Variants in LTBP4 observed in about 807,000 individuals in gnomAD.
LTBP4 encodes latent transforming growth factor beta binding protein 4, also known as latent-transforming growth factor beta-binding protein 4.
A neutral mutation model predicts 180.2 loss-of-function variants in LTBP4; 93 were observed. The observed-to-expected ratio is 0.52, with a 90% CI of 0.44 to 0.61. LTBP4 has a LOEUF of 0.61. Ranked by LOEUF, LTBP4 falls within the 20% of genes least tolerant of loss-of-function variation. The pLI is 0.00. For missense variants in LTBP4, 2,116 were observed against 2,256.5 expected (o/e 0.94, Z 1.26); for synonymous variants, 947 against 934.5 (o/e 1.01, Z -0.24).
At position 40,627,734 on chromosome 19, in the gene LTBP4, G is replaced by A. The variant is rs780111092; in HGVS notation, c.4396G>A (p.Glu1466Lys). Residue 1466 changes from glutamate (E) to lysine (K), a missense_variant, in exon 29 of 30, where the codon GAG becomes AAG. Physicochemically the swap from Glu to Lys is moderately conservative, Grantham distance 56. Transcript: ENST00000396819. ...CCTGGCTGAGCCCTACGAGGAGCTG[G>A]AGGCGGAGGAGTGCGGGATCCTGGA... Reference protein sequence around the residue: ...GSLAEPYEELEAEECGILDGC... With the variant: ...GSLAEPYEELKAEECGILDGC... 6.3e-7 allele frequency: 1 copy of A among 1,597,700 alleles called. No individual in the cohort carries two copies. The highest frequency in any genetic ancestry group is 2.3e-5 in the East Asian group (1 of 44,078).
rs779116814 is a variant in LTBP4 at position 40,619,354 on chromosome 19, C to G, written c.3078C>G (p.Asn1026Lys). The G allele has an allele frequency of 1.2e-6, 2 of 1,613,604 alleles. No individual in the cohort carries two copies. The highest frequency in any genetic ancestry group is 2.2e-5 in the South Asian group (2 of 91,024). Residue 1026 changes from asparagine to lysine, a missense_variant, in exon 22 of 30, where the codon AAC becomes AAG. Physicochemically the swap from Asn to Lys is moderately conservative, Grantham distance 94. This residue lies in a region of LTBP4 where 278 missense variants were observed against 373.0 expected (regional missense o/e 0.75). Transcript: ENST00000396819. ...ARDGRHCVDV[N>K]ECETLQGVCG... is the part of the protein sequence containing the mutation. The stretch of plus-strand genomic sequence containing the variant: ...GTTGTCTCCTGCTTACAGATGTGAA[C>G]GAGTGTGAAACACTACAGGGTGTAT...
Position 40,608,549 on chromosome 19 carries a change from G to A in LTBP4, c.1372G>A (p.Glu458Lys). The A allele has an allele frequency of 6.2e-7, 1 of 1,605,734 alleles. No individual in the cohort carries two copies. Among genetic ancestry groups the A allele is most frequent in the Middle Eastern group, 1.7e-4 (1 of 6,056 alleles). The change falls in exon 9 of 30, where the codon GAG becomes AAG. Residue 458 changes from glutamate (E) to lysine (K), a missense_variant. Coordinates refer to ENST00000396819, the MANE Select transcript of LTBP4 (RefSeq NM_001042545.2). Reference sequence around the variant, plus strand: ...CCGGCCCGATCCCCGGCCCGGCCCTGAGCTTCCCTTGCCCAGCATCCCTGC... The same window carrying A: ...CCGGCCCGATCCCCGGCCCGGCCCTAAGCTTCCCTTGCCCAGCATCCCTGC... ...EPRPDPRPGP[E>K]LPLPSIPAWT...
intron 6 of LTBP4, 133 bp from the exon 7 acceptor site, chr19:40,607,232 C>T (rs2081469402): frequency 2.5e-6 from 2 of 787,808 alleles, no homozygotes; most frequent in African/African-American, 1.7e-5. Flanking sequence ...CCCTCTCAGA[C>T]CTCTCCCAAA....
chr19:40,612,022 AG>A (rs767062556), intron 14 of LTBP4, 38 bp downstream of exon 14: 85 of 1,612,028 alleles, frequency 5.3e-5, no homozygotes, highest in Non-Finnish European at 6.9e-5. Flanking sequence ...TGGATGGGTG[AG>A]GGGGGAGTTG....
At chr19:40,604,473 G>C (rs1366380315) in intron 1 of LTBP4, among the ~76,000 whole-genome samples, 1 of 152,160 alleles carries the variant, frequency 6.6e-6, no homozygotes, top group Non-Finnish European at 1.5e-5. Context: ...GAATGGGCGG[G>C]GTCAGCGCCG....
intron 19 of LTBP4, 36 bp from the exon 20 acceptor site, chr19:40,616,853 C>T (rs759456676): frequency 1.2e-6 from 2 of 1,610,988 alleles, no homozygotes; most frequent in African/African-American, 2.7e-5. Flanking sequence ...GAATTCAGGC[C>T]TTTGACTCCC....
At chr19:40,596,178 C>T (rs939872166) in intron 1 of LTBP4, among the ~76,000 whole-genome samples, 16 of 152,044 alleles carry the variant, frequency 1.1e-4, no homozygotes, top group African/African-American at 3.9e-4. Context: ...CCTCGGCCTC[C>T]CAAAGTGCTG....
chr19:40,595,398 C>A (rs1274184288), intron 1 of LTBP4, among the ~76,000 whole-genome samples: 2 of 152,104 alleles, frequency 1.3e-5, no homozygotes, highest in East Asian at 3.9e-4. Context: ...CTCCCCGAAG[C>A]TCTGTCCCTC....
At chr19:40,626,391 C>A (rs781168020) in intron 27 of LTBP4, among the ~76,000 whole-genome samples, 1 of 152,058 alleles carries the variant, frequency 6.6e-6, no homozygotes. Flanking sequence ...TGGCCCCAGA[C>A]CCCCTGGTCA....
chr19:40,624,058 G>A lies in LTBP4; in HGVS notation c.3808G>A (p.Val1270Ile), dbSNP rs1365700057. The change falls in exon 26 of 30, where the codon GTC becomes ATC. Residue 1270 changes from valine to isoleucine, a missense_variant. By Grantham distance (29) the Val-to-Ile change is conservative. Coordinates refer to ENST00000396819, the MANE Select transcript of LTBP4 (RefSeq NM_001042545.2). The part of the protein sequence containing the change: ...LVLDGSQRRC[V>I]SNESQSLDDN... ...GCTGGATGGCTCGCAGCGCCGCTGC[G>A]TCTCCAACGAGAGCCAGAGCCTCGG... 1.3e-6 allele frequency: 2 copies of A among 1,579,304 alleles called. No homozygotes were observed. The highest frequency in any genetic ancestry group is 1.8e-5 in the Admixed American group (1 of 56,990).
chr19:40,615,966 G>A (rs1313999444), intron 19 of LTBP4, among the ~76,000 whole-genome samples: 1 of 152,316 alleles, frequency 6.6e-6, no homozygotes, highest in East Asian at 1.9e-4. Context: ...AGAGATGACA[G>A]AGCAGTGGAT....
chr19:40,608,354 T>A lies in LTBP4; in HGVS notation c.1291T>A (p.Ser431Thr), dbSNP rs761652593. The A allele has an allele frequency of 9.3e-6, 15 of 1,612,860 alleles. No homozygotes were observed. The highest frequency in any genetic ancestry group is 8.5e-6 in the Non-Finnish European group (10 of 1,179,512). The change falls in exon 8 of 30, where the codon TCT becomes ACT. Residue 431 changes from serine to threonine, a missense_variant. Around this residue, in one of 5 missense-constraint regions of LTBP4, gnomAD observed 877 missense variants for 873.6 expected, o/e 1.00. Coordinates refer to ENST00000396819, the MANE Select transcript of LTBP4 (RefSeq NM_001042545.2). Reference protein sequence around the residue: ...LSQPRTLPATSRPSAGFLPTH... With the variant: ...LSQPRTLPATTRPSAGFLPTH... Reference sequence around the variant, plus strand: ...CCAGCCTCGTACCCTGCCAGCCACCTCTCGGCCATCTGCAGGTGAGCTGGC... The same window carrying A: ...CCAGCCTCGTACCCTGCCAGCCACCACTCGGCCATCTGCAGGTGAGCTGGC...
At position 40,627,026 on chromosome 19, in the gene LTBP4, C is replaced by A; in HGVS notation, c.4037C>A (p.Pro1346Gln). Residue 1346 changes from proline to glutamine, a missense_variant, in exon 28 of 30, where the codon CCG becomes CAG. Around this residue, in one of 5 missense-constraint regions of LTBP4, gnomAD observed 488 missense variants for 458.8 expected, o/e 1.06. Transcript: ENST00000396819. ...NVLRPPAYSP[P>Q]RPGGFGLPYE... ...CTACGCCCCCCCGCATATAGCCCCC[C>A]GCGACCAGGTGGCTTTGGACTCCCC... 1 of 1,603,724 alleles carries A rather than the reference C, an allele frequency of 6.2e-7. No individual in the cohort carries two copies. The highest frequency in any genetic ancestry group is 8.5e-7 in the Non-Finnish European group (1 of 1,173,100).
rs1568415704 is a variant in LTBP4 at position 40,627,237 on chromosome 19, T to C, written c.4248T>C (p.Tyr1416=). 1 of 1,599,274 alleles carries C rather than the reference T, an allele frequency of 6.3e-7. No individual in the cohort carries two copies. The highest frequency in any genetic ancestry group is 8.5e-7 in the Non-Finnish European group (1 of 1,174,628). The stretch of plus-strand genomic sequence containing the variant: ...ACTTTGAGGACGATGGTGGCCCCTA[T>C]GGCGAATCTGAGGCTCCTGCGCCAC... The part of the protein sequence containing the change: ...MPDFEDDGGP[Y]GESEAPAPPG... Residue 1416 remains tyrosine, a synonymous_variant, in exon 28 of 30, where the codon TAT becomes TAC. Transcript: ENST00000396819.
Position 40,609,631 on chromosome 19 carries a change from C to T in LTBP4, c.1528C>T (p.Arg510Trp), listed in dbSNP as rs771896671. The change falls in exon 10 of 30, where the codon CGG becomes TGG. Residue 510 changes from arginine to tryptophan, a missense_variant. Transcript: ENST00000396819. The surrounding 1 kb of genome is among the most constrained non-coding windows in gnomAD (Gnocchi z 4.9). ...GYTCACDSGF[R>W]LSPQGTRCID... ...CACCTGCGCTTGCGACTCTGGCTTC[C>T]GGCTCAGCCCCCAGGGCACCCGATG... is the stretch of plus-strand genomic sequence containing the variant. 9 of 1,613,292 alleles carry T rather than the reference C, an allele frequency of 5.6e-6. No homozygotes were observed. The highest frequency in any genetic ancestry group is 2.2e-5 in the East Asian group (1 of 44,878).
At chr19:40,627,984 CA>C in intron 29 of LTBP4, 127 bp downstream of exon 29, 1 of 1,255,274 alleles carries the variant, frequency 8.0e-7, no homozygotes, top group Non-Finnish European at 1.1e-6. Context: ...CGGGCCAGCG[CA>C]AAAGGGAGGA....
At chr19:40,616,474 T>C (rs1436328438) in intron 19 of LTBP4, among the ~76,000 whole-genome samples, 2 of 151,156 alleles carry the variant, frequency 1.3e-5, no homozygotes, top group Non-Finnish European at 2.9e-5. Context: ...GGCTCACACC[T>C]GTAATCCTAG....
chr19:40,622,747 C>T lies in LTBP4; in HGVS notation c.3484+80C>T. 2 of 1,492,872 alleles carry T rather than the reference C, an allele frequency of 1.3e-6. No homozygotes were observed. Among genetic ancestry groups the T allele is most frequent in the Non-Finnish European group, 8.9e-7 (1 of 1,117,496 alleles). 92.5% of individuals were successfully genotyped at this position (1,492,872 alleles called of 1,614,324 possible). On this transcript the variant is annotated intron_variant, in intron 23 of 29. Coordinates refer to ENST00000396819, the MANE Select transcript of LTBP4 (RefSeq NM_001042545.2). The surrounding 1 kb of genome is among the most constrained non-coding windows in gnomAD (Gnocchi z 5.1). ...TGGGGTGTGGGCCTGGGACAGGGGA[C>T]ACTTTTGGACAGGGCCTTGAGGTAC...
upstream of LTBP4, chr19:40,599,652 T>C: frequency 8.6e-7 from 1 of 1,156,964 alleles, no homozygotes; most frequent in Non-Finnish European, 1.2e-6. Flanking sequence ...TCCCTCTCTC[T>C]CCCCCCTCCC....
Sources: allele counts gnomAD v4.1 joint callset (sites outside exome capture counted in the v4.1 genomes callset), GRCh38; gene constraint gnomAD v4.1.1; regional missense constraint gnomAD v4.1.1; non-coding constraint Gnocchi (gnomAD v3.1); transcripts MANE v1.5; gene names NCBI Gene and HGNC (gene_info 2026-07-23, HGNC 2026-07-21).